The following CFAP20DC variants were observed in gnomAD, a reference collection of about 807,000 sequenced individuals.
The protein encoded by CFAP20DC is CFAP20 domain containing.
In CFAP20DC, 84 loss-of-function variants were observed where a neutral mutation model predicts 101.7. That is an observed-to-expected ratio of 0.83 (90% CI 0.69 to 0.99). The LOEUF is 0.99. CFAP20DC is among the 50% of genes least tolerant of loss of function. The probability of loss-of-function intolerance (pLI) is 0.00; values close to 1 mark genes in which losing one functional copy is unlikely to be tolerated. For missense variants in CFAP20DC, 1,007 were observed against 970.3 expected (o/e 1.04, Z -0.50); for synonymous variants, 359 against 351.2 (o/e 1.02, Z -0.25).
In CFAP20DC at chr3:58,764,522, C is replaced by T. The variant is rs544993355; in HGVS notation, c.2238-10659G>A. Among the ~76,000 whole-genome samples the T allele has an allele frequency of 5.3e-5, 8 of 152,226 alleles. No homozygotes were observed. The East Asian group carries it at 7.7e-4, about 15-fold the overall frequency. ...GCCTCGCCCTGCTTCAGCTCACGGT[C>T]GGTGTACTGCACCCACTGTCCGATA... is the stretch of plus-strand genomic sequence containing the variant. On this transcript the variant is annotated intron_variant, in intron 15 of 16. Coordinates refer to ENST00000482387, the MANE Select transcript of CFAP20DC (RefSeq NM_001394063.1).
intron 6 of CFAP20DC, among the ~76,000 whole-genome samples, chr3:58,887,677 T>C (rs1475944530): frequency 6.6e-6 from 1 of 152,226 alleles, no homozygotes; most frequent in Non-Finnish European, 1.5e-5. Context: ...GCAGATCAGA[T>C]TTCACATTAA....
chr3:58,862,340 G>A (rs2079319635), intron 12 of CFAP20DC: 1 of 985,286 alleles, frequency 1.0e-6, no homozygotes, highest in African/African-American at 1.7e-5. Flanking sequence ...GAAGACAAAT[G>A]TCCATGTTTT....
At chr3:58,806,186 A>C (rs954666056) in intron 15 of CFAP20DC, among the ~76,000 whole-genome samples, 1 of 152,250 alleles carries the variant, frequency 6.6e-6, no homozygotes, top group Non-Finnish European at 1.5e-5. Flanking sequence ...AAAATTCCAC[A>C]GCTAGTAAAA....
intron 15 of CFAP20DC, among the ~76,000 whole-genome samples, chr3:58,783,383 C>T (rs190910982): frequency 2.4e-4 from 37 of 151,910 alleles, no homozygotes; most frequent in Non-Finnish European, 4.7e-4. Context: ...AATGTTATGG[C>T]CAAGTCCTCA....
At chr3:58,876,978 C>A (rs1222278234) in intron 7 of CFAP20DC, among the ~76,000 whole-genome samples, 4 of 152,180 alleles carry the variant, frequency 2.6e-5, no homozygotes, top group African/African-American at 9.7e-5. Flanking sequence ...CTAAGCCTCA[C>A]CTCTTCATCC....
At position 58,913,606 on chromosome 3, in the gene CFAP20DC, T is replaced by C; in HGVS notation, c.550+102A>G. 3.5e-6 allele frequency: 4 copies of C among 1,154,268 alleles called. No homozygotes were observed. The highest frequency in any genetic ancestry group is 2.4e-5 in the East Asian group (1 of 42,310). 71.5% of individuals were successfully genotyped at this position (1,154,268 alleles called of 1,614,324 possible). A position where few individuals can be genotyped will look rare whatever the true frequency, so the allele number is the denominator to read the frequency against. ...GTTGACAAATTTACTTTAGCAGACA[T>C]AACATCAAACTGCTACCACACACTC... On this transcript the variant is annotated intron_variant, in intron 6 of 16. Transcript: ENST00000482387. This position sits in a 1 kb window ranked among gnomAD's most constrained non-coding sequence, Gnocchi z 4.4.
chr3:58,933,037 C>G (rs1377725917), intron 5 of CFAP20DC, among the ~76,000 whole-genome samples: 3 of 152,080 alleles, frequency 2.0e-5, no homozygotes, highest in Non-Finnish European at 4.4e-5. Context: ...ATCTCACGTG[C>G]AGAGACACAC....
chr3:58,845,538 A>C (rs2077553971), intron 13 of CFAP20DC, among the ~76,000 whole-genome samples: 1 of 151,580 alleles, frequency 6.6e-6, no homozygotes, highest in African/African-American at 2.4e-5. Flanking sequence ...ACCAACCAAA[A>C]AGAGTCCAGG....
chr3:58,924,282 T>C (rs2085709850), intron 5 of CFAP20DC, among the ~76,000 whole-genome samples: 2 of 152,190 alleles, frequency 1.3e-5, no homozygotes, highest in African/African-American at 4.8e-5. Flanking sequence ...TCTCTCCATA[T>C]GTACATGTGT....
intron 5 of CFAP20DC, among the ~76,000 whole-genome samples, chr3:58,935,646 C>A (rs1327012765): frequency 6.6e-6 from 1 of 152,098 alleles, no homozygotes; most frequent in Non-Finnish European, 1.5e-5. Context: ...TGATCTTTGA[C>A]AAACCTGAGA....
At chr3:58,810,116 T>C (rs867698365) in intron 14 of CFAP20DC, among the ~76,000 whole-genome samples, 27 of 152,210 alleles carry the variant, frequency 1.8e-4, no homozygotes, top group East Asian at 7.7e-4. Context: ...CCGAATTCTA[T>C]CAGAGGTACA....
chr3:58,998,560 T>A (rs2093209499), intron 4 of CFAP20DC, among the ~76,000 whole-genome samples: 1 of 152,212 alleles, frequency 6.6e-6, no homozygotes, highest in African/African-American at 2.4e-5. Flanking sequence ...AATAATCCTA[T>A]GAGGCAGCAT....
intron 13 of CFAP20DC, among the ~76,000 whole-genome samples, chr3:58,837,253 T>C (rs994652059): frequency 6.6e-6 from 1 of 152,168 alleles, no homozygotes; most frequent in African/African-American, 2.4e-5. Flanking sequence ...ATATTCTTAA[T>C]AGCTTCTAAA....
intron 5 of CFAP20DC, among the ~76,000 whole-genome samples, chr3:58,920,442 A>T (rs573309297): frequency 2.0e-5 from 3 of 152,194 alleles, no homozygotes; most frequent in African/African-American, 7.2e-5. Flanking sequence ...TAAGCAGTCA[A>T]TATTTTATCG....
intron 4 of CFAP20DC, among the ~76,000 whole-genome samples, chr3:59,004,267 C>G (rs1388203138): frequency 6.6e-6 from 1 of 152,132 alleles, no homozygotes; most frequent in Non-Finnish European, 1.5e-5. Context: ...TAGCACCCAA[C>G]ATGCATCTGA....
At chr3:58,828,235 T>C (rs2076171553) in intron 14 of CFAP20DC, among the ~76,000 whole-genome samples, 1 of 152,140 alleles carries the variant, frequency 6.6e-6, no homozygotes, top group Non-Finnish European at 1.5e-5. Flanking sequence ...GGAAGATCAC[T>C]AATGTGAATA....
At chr3:58,776,124 A>G (rs1315607955) in intron 15 of CFAP20DC, among the ~76,000 whole-genome samples, 3 of 152,110 alleles carry the variant, frequency 2.0e-5, no homozygotes, top group Middle Eastern at 3.2e-3. Flanking sequence ...AGCCTCCCTT[A>G]ACTCCCAATA....
chr3:58,782,737 C>T (rs2071956783), intron 15 of CFAP20DC, among the ~76,000 whole-genome samples: 3 of 151,672 alleles, frequency 2.0e-5, no homozygotes, highest in African/African-American at 4.8e-5. Flanking sequence ...AGGAAAACTA[C>T]AAAACACTGA....
intron 6 of CFAP20DC, among the ~76,000 whole-genome samples, chr3:58,888,048 C>T (rs1382281112): frequency 6.6e-6 from 1 of 152,230 alleles, no homozygotes; most frequent in Non-Finnish European, 1.5e-5. Flanking sequence ...TGGAAATTCA[C>T]TCATCTCCCC....
Sources: allele counts gnomAD v4.1 joint callset (sites outside exome capture counted in the v4.1 genomes callset), GRCh38; gene constraint gnomAD v4.1.1; non-coding constraint Gnocchi (gnomAD v3.1); transcripts MANE v1.5; gene names NCBI Gene and HGNC (gene_info 2026-07-23, HGNC 2026-07-21).